Variants in NELL1 observed in about 807,000 individuals in gnomAD.
NELL1 encodes the protein neural EGFL like 1, also known as protein kinase C-binding protein NELL1.
In NELL1, 76 loss-of-function variants were observed where a neutral mutation model predicts 107.4. The ratio of observed to expected loss-of-function variants is 0.71; its 90% CI spans 0.59 to 0.86. NELL1 has a LOEUF of 0.86. Among genes scored for constraint, NELL1 ranks in the 40% least tolerant of loss-of-function variants. NELL1 has a pLI of 0.00. For missense variants in NELL1, 1,024 were observed against 1,005.5 expected, an observed-to-expected ratio of 1.02 and a Z score of -0.25; for synonymous variants, 353 against 341.2, an observed-to-expected ratio of 1.03 and a Z score of -0.38.
intron 13 of NELL1, among the ~76,000 whole-genome samples, chr11:21,139,093 T>A (rs992903042): frequency 5.2e-4 from 79 of 152,332 alleles, no homozygotes; most frequent in African/African-American, 1.8e-3. Flanking sequence ...CAGAGATGGC[T>A]TGTGAAGAAT....
At chr11:21,298,996 G>A (rs1479493403) in intron 14 of NELL1, among the ~76,000 whole-genome samples, 1 of 151,962 alleles carries the variant, frequency 6.6e-6, no homozygotes, top group Non-Finnish European at 1.5e-5. Flanking sequence ...CTTGACCATG[G>A]TTATAGTTTT....
At chr11:21,052,446 G>A (rs1853515935) in intron 12 of NELL1, among the ~76,000 whole-genome samples, 1 of 152,126 alleles carries the variant, frequency 6.6e-6, no homozygotes, top group Non-Finnish European at 1.5e-5. Context: ...CCACATGGTA[G>A]CAACAGAGGT....
chr11:21,160,576 C>A (rs867193537), intron 13 of NELL1, among the ~76,000 whole-genome samples: 4 of 152,136 alleles, frequency 2.6e-5, no homozygotes, highest in Non-Finnish European at 4.4e-5. Context: ...TGATATTCTA[C>A]AACTGGCGCT....
At position 20,669,973 on chromosome 11, in the gene NELL1, C is replaced by T. The variant is rs1393050847; in HGVS notation, c.55+195C>T. On this transcript the variant is annotated intron_variant, in intron 1 of 19. Coordinates refer to ENST00000357134, the MANE Select transcript of NELL1 (RefSeq NM_006157.5). This position sits in a 1 kb window ranked among gnomAD's most constrained non-coding sequence, Gnocchi z 4.4. Reference sequence around the variant, plus strand: ...GGACTCACGGGCTTGAAGATGTCCCCGTTGAGTGCCCCTTCTCAGGGGACC... The same window carrying T: ...GGACTCACGGGCTTGAAGATGTCCCTGTTGAGTGCCCCTTCTCAGGGGACC... Among the ~76,000 whole-genome samples the T allele has an allele frequency of 6.6e-6, 1 of 152,156 alleles. No homozygotes were observed. The highest frequency in any genetic ancestry group is 1.5e-5 in the Non-Finnish European group (1 of 68,022).
intron 15 of NELL1, among the ~76,000 whole-genome samples, chr11:21,451,216 A>G (rs982513991): frequency 6.6e-6 from 1 of 151,676 alleles, no homozygotes; most frequent in African/African-American, 2.4e-5. Flanking sequence ...AAAAAAAAGA[A>G]AAAAGAAAAA....
intron 14 of NELL1, among the ~76,000 whole-genome samples, chr11:21,245,127 A>C (rs1565128279): frequency 6.6e-6 from 1 of 152,162 alleles, no homozygotes. Context: ...TTCCTAATTT[A>C]GTTCTCACCT....
intron 15 of NELL1, among the ~76,000 whole-genome samples, chr11:21,506,795 T>C (rs950492796): frequency 6.6e-5 from 10 of 152,316 alleles, no homozygotes; most frequent in African/African-American, 2.2e-4. Context: ...ATAGTATTGG[T>C]TGAATAAATA....
chr11:21,226,775 A>G (rs967430603), intron 13 of NELL1, among the ~76,000 whole-genome samples: 4 of 152,190 alleles, frequency 2.6e-5, no homozygotes, highest in African/African-American at 9.7e-5. Context: ...AAGTTCTAAG[A>G]TAGATGAAAT....
chr11:21,376,446 T>TA (rs1415881546), intron 15 of NELL1, among the ~76,000 whole-genome samples: 1 of 152,158 alleles, frequency 6.6e-6, no homozygotes, highest in Non-Finnish European at 1.5e-5. Context: ...TTGGTTATTG[T>TA]AGCCATATAA....
In NELL1 at chr11:21,353,337, C is replaced by G. The variant is rs542001271; in HGVS notation, c.1550-17516C>G. On this transcript the variant is annotated intron_variant, in intron 14 of 19. Coordinates refer to ENST00000357134, the MANE Select transcript of NELL1 (RefSeq NM_006157.5). ...TTTCCCTTGTCATTTAAACTTCATC[C>G]CAACTTGAAGAAGAGGTATTCATTT... Among the ~76,000 whole-genome samples, 12 of 152,204 alleles carry G rather than the reference C, an allele frequency of 7.9e-5. 1 individual carries two copies. The South Asian group carries it at 2.3e-3, about 29-fold the overall frequency.
intron 4 of NELL1, among the ~76,000 whole-genome samples, chr11:20,876,563 G>A (rs937179972): frequency 2.0e-5 from 3 of 152,270 alleles, no homozygotes; most frequent in African/African-American, 7.2e-5. Context: ...AGGAGATTGA[G>A]ACCATCCTGG....
chr11:20,953,944 A>G (rs887580527), intron 11 of NELL1, among the ~76,000 whole-genome samples: 2 of 152,034 alleles, frequency 1.3e-5, no homozygotes, highest in African/African-American at 4.8e-5. Context: ...CTGTATTCCT[A>G]TTGTCTGGTA....
chr11:21,066,164 A>C (rs1180034409), intron 12 of NELL1, among the ~76,000 whole-genome samples: 1 of 152,176 alleles, frequency 6.6e-6, no homozygotes, highest in Non-Finnish European at 1.5e-5. Context: ...ATGAATGATG[A>C]CACCTTTTTC....
chr11:21,205,960 G>T (rs1216109362), intron 13 of NELL1, among the ~76,000 whole-genome samples: 1 of 151,908 alleles, frequency 6.6e-6, no homozygotes, highest in Non-Finnish European at 1.5e-5. Context: ...ATCTTTTAGG[G>T]TATCTTTTTT....
chr11:21,244,964 G>A (rs1858453461), intron 14 of NELL1, among the ~76,000 whole-genome samples: 1 of 152,124 alleles, frequency 6.6e-6, no homozygotes, highest in Non-Finnish European at 1.5e-5. Flanking sequence ...TAAATGGAGT[G>A]TACTGCTTAG....
At chr11:21,269,393 G>C (rs1462557537) in intron 14 of NELL1, among the ~76,000 whole-genome samples, 2 of 149,648 alleles carry the variant, frequency 1.3e-5, no homozygotes, top group South Asian at 2.1e-4. Context: ...CACACACACA[G>C]AGGCATATCC....
chr11:21,228,096 G>A (rs977647108), intron 13 of NELL1, among the ~76,000 whole-genome samples: 1 of 152,092 alleles, frequency 6.6e-6, no homozygotes, highest in Non-Finnish European at 1.5e-5. Flanking sequence ...AACTATTTAT[G>A]ATTTGAATGG....
At chr11:20,936,539 C>G (rs1850729153) in intron 9 of NELL1, among the ~76,000 whole-genome samples, 1 of 152,210 alleles carries the variant, frequency 6.6e-6, no homozygotes, top group Non-Finnish European at 1.5e-5. Flanking sequence ...ATCCTCTTTG[C>G]CTTTCAGATC....
intron 15 of NELL1, among the ~76,000 whole-genome samples, chr11:21,477,825 A>C (rs1487091918): frequency 6.6e-6 from 1 of 150,496 alleles, no homozygotes; most frequent in African/African-American, 2.4e-5. Context: ...GATTCCTATC[A>C]GATAAATTAT....
Sources: gnomAD v4.1 joint callset for allele counts (sites outside exome capture counted in the v4.1 genomes callset) on GRCh38, gnomAD v4.1.1 for gene constraint, Gnocchi (gnomAD v3.1) non-coding constraint, MANE v1.5 for transcripts, NCBI Gene and HGNC (gene_info 2026-07-23, HGNC 2026-07-21) for gene names.